Variants in RGS5 observed in about 807,000 individuals in gnomAD.
RGS5 encodes regulator of G-protein signalling 5.
Under a neutral mutation model 18.9 loss-of-function variants are expected in RGS5, and 20 were observed. That is an observed-to-expected ratio of 1.06 (90% CI 0.74 to 1.54). The LOEUF is 1.54. Among genes scored for constraint, RGS5 ranks in the 40% most tolerant of loss-of-function variants. The pLI is 0.00. For synonymous variants in RGS5, 57 were observed against 76.2 expected, an observed-to-expected ratio of 0.75 and a Z score of 1.31; for missense variants, 201 against 211.8, an observed-to-expected ratio of 0.95 and a Z score of 0.32.
chr1:163,307,408 CTTT>C (rs565232202), intron 1 of RGS5, among the ~76,000 whole-genome samples: 3 of 149,262 alleles, frequency 2.0e-5, no homozygotes, highest in Non-Finnish European at 4.5e-5. Flanking sequence ...AAAGTGAGAA[CTTT>C]TTTTTTTAAC....
intron 1 of RGS5, among the ~76,000 whole-genome samples, chr1:163,173,321 G>T (rs1658388979): frequency 6.6e-6 from 1 of 152,144 alleles, no homozygotes; most frequent in Admixed American, 6.5e-5. Context: ...TTAATTAAAG[G>T]CTCAGAGGAA....
chr1:163,151,604 C>T (rs981591219), intron 4 of RGS5, among the ~76,000 whole-genome samples: 5 of 152,134 alleles, frequency 3.3e-5, no homozygotes, highest in South Asian at 4.1e-4. Context: ...TGAGTTCTCA[C>T]GAGATCTGAT....
chr1:163,202,669 C>A, intron 1 of RGS5, 123 bp downstream of exon 1: 1 of 744,096 alleles, frequency 1.3e-6, no homozygotes, highest in South Asian at 1.8e-5. Flanking sequence ...AATCTACAGT[C>A]AAGCACCTGT....
At chr1:163,218,113 C>T (rs113022689), upstream of RGS5, among the ~76,000 whole-genome samples, 328 of 152,114 alleles carry the variant, frequency 2.2e-3, no homozygotes, top group Non-Finnish European at 3.4e-3. Flanking sequence ...TAATTTGGAG[C>T]TATGCAGGTT....
intron 2 of RGS5, chr1:163,238,892 A>G (rs1373144738): frequency 5.8e-6 from 1 of 173,536 alleles, no homozygotes; most frequent in Non-Finnish European, 1.4e-5. Context: ...GCACAAAAAA[A>G]GAAAAGTCTT....
chr1:163,282,045 G>GCACACA (rs750266307), intron 2 of RGS5, among the ~76,000 whole-genome samples: 4 of 143,884 alleles, frequency 2.8e-5, no homozygotes, highest in Non-Finnish European at 6.3e-5. Context: ...GTGCACGCGC[G>GCACACA]CGCACACACA....
intron 1 of RGS5, among the ~76,000 whole-genome samples, chr1:163,306,487 A>C (rs1013252849): frequency 7.2e-5 from 11 of 152,202 alleles, no homozygotes; most frequent in Non-Finnish European, 1.5e-4. Context: ...CCCTGGTTTG[A>C]GCCATCAGGC....
intron 2 of RGS5, 32 bp from the exon 3 acceptor site, chr1:163,162,008 T>G (rs1176275455): frequency 6.5e-7 from 1 of 1,538,756 alleles, no homozygotes; most frequent in Non-Finnish European, 9.0e-7. Context: ...AAAAGGGGTA[T>G]GGCGTAAGTA....
chr1:163,174,870 G>A (rs1658478724), intron 1 of RGS5, among the ~76,000 whole-genome samples: 1 of 152,212 alleles, frequency 6.6e-6, no homozygotes, highest in Non-Finnish European at 1.5e-5. Context: ...AGGAAGAAGA[G>A]AGGGAGGAGA....
intron 4 of RGS5, among the ~76,000 whole-genome samples, chr1:163,147,925 T>TTCTTTTTC (rs1436804182): frequency 7.5e-6 from 1 of 134,122 alleles, no homozygotes; most frequent in South Asian, 2.6e-4. Context: ...TTTCTTTTTT[T>TTCTTTTTC]TTTTTTTTTT....
chr1:163,188,312 G>T (rs1659180919), intron 1 of RGS5, among the ~76,000 whole-genome samples: 1 of 152,112 alleles, frequency 6.6e-6, no homozygotes, highest in Non-Finnish European at 1.5e-5. Flanking sequence ...CCTCAGTGTT[G>T]GACCAAGTTC....
chr1:163,184,907 T>C (rs1469074274), intron 1 of RGS5, among the ~76,000 whole-genome samples: 1 of 152,208 alleles, frequency 6.6e-6, no homozygotes. Flanking sequence ...ACTAAGCTTG[T>C]GGCAACTGTT....
intron 1 of RGS5, among the ~76,000 whole-genome samples, chr1:163,314,234 A>AAT (rs1649952386): frequency 6.6e-6 from 1 of 152,146 alleles, no homozygotes; most frequent in Non-Finnish European, 1.5e-5. Flanking sequence ...AATAATTTTG[A>AAT]ATATATATGG....
intron 2 of RGS5, among the ~76,000 whole-genome samples, chr1:163,167,969 T>A (rs1658124320): frequency 6.6e-6 from 1 of 152,178 alleles, no homozygotes; most frequent in Non-Finnish European, 1.5e-5. Flanking sequence ...GCTGGTATCA[T>A]TTTATAAGTA....
chr1:163,319,418 G>C (rs1423769296), intron 1 of RGS5: 1 of 152,212 alleles, frequency 6.6e-6, no homozygotes, highest in Admixed American at 6.5e-5. Context: ...ATTAAAGAGA[G>C]GAATTTAGGT....
In RGS5 at chr1:163,144,849, A is replaced by T; in HGVS notation, c.*2493T>A. On this transcript the variant is annotated 3_prime_UTR_variant, in exon 5 of 5. Transcript: ENST00000313961. ...AAAGAAATTTTCTTGAACAATTTTA[A>T]TATGTTTGATTTCTCATTTGGGGCT... 1 of 152,546 alleles carries T rather than the reference A, an allele frequency of 6.6e-6. No individual in the cohort carries two copies. The highest frequency in any genetic ancestry group is 1.9e-4 in the East Asian group (1 of 5,192). 9.4% of individuals were successfully genotyped at this position (152,546 alleles called of 1,614,324 possible). A position where few individuals can be genotyped will look rare whatever the true frequency, so the allele number is the denominator to read the frequency against.
At chr1:163,233,425 G>C (rs1160536434) in intron 2 of RGS5, among the ~76,000 whole-genome samples, 2 of 152,196 alleles carry the variant, frequency 1.3e-5, no homozygotes, top group Non-Finnish European at 2.9e-5. Flanking sequence ...TCATTGAGGA[G>C]GCTATTCCTT....
intron 2 of RGS5, among the ~76,000 whole-genome samples, chr1:163,286,533 T>C (rs530706931): frequency 6.6e-6 from 1 of 152,308 alleles, no homozygotes; most frequent in African/African-American, 2.4e-5. Context: ...TCGTCTATTT[T>C]ATAAAATGAT....
chr1:163,216,252 G>A (rs777045533), intron 1 of RGS5, among the ~76,000 whole-genome samples: 10 of 152,190 alleles, frequency 6.6e-5, no homozygotes, highest in Non-Finnish European at 1.5e-4. Flanking sequence ...ACAGGGGCCA[G>A]GGAGGATTTG....
Sources: gnomAD v4.1 joint callset for allele counts (sites outside exome capture counted in the v4.1 genomes callset) on GRCh38, gnomAD v4.1.1 for gene constraint, MANE v1.5 for transcripts, NCBI Gene and HGNC (gene_info 2026-07-23, HGNC 2026-07-21) for gene names.